MAB21L3: variants seen among roughly 807,000 people sequenced by gnomAD.
MAB21L3 encodes mab-21 like 3.
Under a neutral mutation model 37.7 loss-of-function variants are expected in MAB21L3, and 36 were observed. The ratio of observed to expected loss-of-function variants is 0.96; its 90% confidence interval spans 0.73 to 1.26. The LOEUF (loss-of-function observed/expected upper bound fraction) is 1.26. MAB21L3 is among the 50% of genes most tolerant of loss of function. MAB21L3 has a pLI of 0.00. For missense variants in MAB21L3, 430 were observed against 447.3 expected, an observed-to-expected ratio of 0.96 and a Z score of 0.35; for synonymous variants, 186 against 176.8, an observed-to-expected ratio of 1.05 and a Z score of -0.41.
chr1:116,115,414 C>A (rs61788521), intron 3 of MAB21L3, among the ~76,000 whole-genome samples: 37,078 of 150,590 alleles, frequency 0.25, 5,628 homozygotes, highest in East Asian at 0.4. Flanking sequence ...ACATTATTAG[C>A]CCCTGAAAGA....
chr1:116,113,555 C>T (rs769664601), intron 3 of MAB21L3, among the ~76,000 whole-genome samples: 7 of 152,106 alleles, frequency 4.6e-5, no homozygotes, highest in Non-Finnish European at 1.0e-4. Context: ...GTTCAAGTAA[C>T]TTCAACTGCT....
rs1660155292 is a variant in MAB21L3, at chr1:116,134,217, C to T, written c.*852C>T. ...TATGTAAATAACCTAGTACTATGAT[C>T]TGCATGGAGTGACCTTAGGTGTCTG... On this transcript the variant is annotated 3_prime_UTR_variant, in exon 8 of 8. Transcript: ENST00000369500. 6.6e-6 allele frequency: 1 copy of T among 152,266 alleles called. No homozygotes were observed. The highest frequency in any genetic ancestry group is 2.4e-5 in the African/African-American group (1 of 41,456). 9.4% of individuals were successfully genotyped at this position (152,266 alleles called of 1,614,324 possible). A position where few individuals can be genotyped will look rare whatever the true frequency, so the allele number is the denominator to read the frequency against.
intron 7 of MAB21L3, among the ~76,000 whole-genome samples, chr1:116,131,484 A>G (rs1660063470): frequency 6.6e-6 from 1 of 152,206 alleles, no homozygotes; most frequent in Non-Finnish European, 1.5e-5. Flanking sequence ...CTAACAAACA[A>G]TGGGAAGACC....
intron 3 of MAB21L3, among the ~76,000 whole-genome samples, chr1:116,115,467 T>C (rs1659563247): frequency 6.6e-6 from 1 of 152,246 alleles, no homozygotes; most frequent in Non-Finnish European, 1.5e-5. Context: ...TTTTTCTAAC[T>C]GATGATTGGA....
rs559738946 is a variant in MAB21L3, at chr1:116,124,406, T to C, written c.481+49T>C. On this transcript the variant is annotated intron_variant, in intron 5 of 7. Coordinates refer to ENST00000369500, the MANE Select transcript of MAB21L3 (RefSeq NM_152367.3). ...AAGGGTAATTGCTGGCATTCCCCTT[T>C]CACTCTATAAAACCTCTGTTTGGGT... The C allele has an allele frequency of 1.5e-5, 23 of 1,548,080 alleles. No homozygotes were observed. The African/African-American group carries it at 2.2e-4, about 15-fold the overall frequency.
Position 116,133,882 on chromosome 1 carries a change from A to C in MAB21L3, c.*517A>C, listed in dbSNP as rs1660144742. The C allele has an allele frequency of 6.0e-6, 1 of 165,382 alleles. No homozygotes were observed. The highest frequency in any genetic ancestry group is 1.3e-5 in the Non-Finnish European group (1 of 75,826). 10.2% of individuals were successfully genotyped at this position (165,382 alleles called of 1,614,324 possible). A position where few individuals can be genotyped will look rare whatever the true frequency, so the allele number is the denominator to read the frequency against. On this transcript the variant is annotated 3_prime_UTR_variant, in exon 8 of 8. Coordinates refer to ENST00000369500, the MANE Select transcript of MAB21L3 (RefSeq NM_152367.3). Reference sequence around the variant, plus strand: ...TTCAAGGGGAAGGCATTGGATCAACACAAAGTGTTCCTGGTTGGTTGAGTA... The same window carrying C: ...TTCAAGGGGAAGGCATTGGATCAACCCAAAGTGTTCCTGGTTGGTTGAGTA...
intron 6 of MAB21L3, among the ~76,000 whole-genome samples, chr1:116,127,905 G>A (rs1659955283): frequency 6.6e-6 from 1 of 152,192 alleles, no homozygotes; most frequent in African/African-American, 2.4e-5. Flanking sequence ...TCTGGGTGAT[G>A]TGATTCTGAT....
At position 116,118,900 on chromosome 1, in the gene MAB21L3, C is replaced by T. The variant is rs1295162822; in HGVS notation, c.49-2032C>T. ...ATGAAGTATCCGTTTTCTATGTATC[C>T]ATAGCATCTGTGCAAACCTCTACCT... On this transcript the variant is annotated intron_variant, in intron 3 of 7. Transcript: ENST00000369500. Among the ~76,000 whole-genome samples, 3 of 152,198 alleles carry T rather than the reference C, an allele frequency of 2.0e-5. No individual in the cohort carries two copies. The East Asian group carries it at 5.8e-4, about 29-fold the overall frequency.
At chr1:116,115,416 C>A (rs1230539828) in intron 3 of MAB21L3, among the ~76,000 whole-genome samples, 1 of 150,666 alleles carries the variant, frequency 6.6e-6, no homozygotes, top group Non-Finnish European at 1.5e-5. Context: ...ATTATTAGCC[C>A]CTGAAAGACA....
intron 7 of MAB21L3, among the ~76,000 whole-genome samples, chr1:116,129,261 C>G (rs1659998083): frequency 6.6e-6 from 1 of 152,226 alleles, no homozygotes; most frequent in African/African-American, 2.4e-5. Context: ...GAGAGGGGGC[C>G]TTTGACCACC....
intron 3 of MAB21L3, among the ~76,000 whole-genome samples, chr1:116,117,034 A>T (rs1368887279): frequency 6.6e-6 from 1 of 152,056 alleles, no homozygotes; most frequent in East Asian, 1.9e-4. Context: ...CACGTGTGTT[A>T]TGTGCATACA....
At chr1:116,119,187 C>T (rs1406973764) in intron 3 of MAB21L3, among the ~76,000 whole-genome samples, 1 of 152,206 alleles carries the variant, frequency 6.6e-6, no homozygotes, top group Non-Finnish European at 1.5e-5. Context: ...TCTGTGCTTA[C>T]ATTTGTCTTC....
At chr1:116,128,399 G>T in intron 7 of MAB21L3, 60 bp downstream of exon 7, 2 of 1,504,622 alleles carry the variant, frequency 1.3e-6, no homozygotes, top group Non-Finnish European at 1.8e-6. Context: ...CATTCTTCCT[G>T]TGGCCTCTGT....
intron 5 of MAB21L3, among the ~76,000 whole-genome samples, chr1:116,125,570 G>T (rs1659885324): frequency 6.6e-6 from 1 of 152,088 alleles, no homozygotes; most frequent in South Asian, 2.1e-4. Context: ...AAACCAAACT[G>T]CTAAACAATA....
rs1345273037 is a variant in MAB21L3 at position 116,133,973 on chromosome 1, G to C, written c.*608G>C. 2 of 154,342 alleles carry C rather than the reference G, an allele frequency of 1.3e-5. No homozygotes were observed. Among genetic ancestry groups the C allele is most frequent in the Non-Finnish European group, 2.9e-5 (2 of 69,600 alleles). The allele number at this position is 154,342 out of a possible 1,614,324, so 9.6% of individuals were successfully genotyped here. On this transcript the variant is annotated 3_prime_UTR_variant, in exon 8 of 8. Transcript: ENST00000369500. The stretch of plus-strand genomic sequence containing the variant: ...GCAAAATTGCACCTGATGAGTTAGT[G>C]AGCCTGTGCTTCCTTGCTGCCCTCC...
intron 4 of MAB21L3, among the ~76,000 whole-genome samples, chr1:116,123,428 AC>A (rs1204584882): frequency 6.6e-6 from 1 of 152,174 alleles, no homozygotes; most frequent in African/African-American, 2.4e-5. Flanking sequence ...GAGATATTTT[AC>A]AAAATCTGTT....
chr1:116,122,900 A>G, intron 4 of MAB21L3, among the ~76,000 whole-genome samples: 1 of 152,220 alleles, frequency 6.6e-6, no homozygotes, highest in East Asian at 1.9e-4. Context: ...GGGACTTTAG[A>G]TGTTTTTCCT....
chr1:116,134,468 G>A lies in MAB21L3; in HGVS notation c.*1103G>A, dbSNP rs944253675. The A allele has an allele frequency of 1.3e-5, 2 of 152,360 alleles. No individual in the cohort carries two copies. Among genetic ancestry groups the A allele is most frequent in the South Asian group, 4.1e-4 (2 of 4,828 alleles). 9.4% of individuals were successfully genotyped at this position (152,360 alleles called of 1,614,324 possible). A position where few individuals can be genotyped will look rare whatever the true frequency, so the allele number is the denominator to read the frequency against. On this transcript the variant is annotated 3_prime_UTR_variant, in exon 8 of 8. Transcript: ENST00000369500. ...GAAATAAACAGAATGTTGAAGTAGA[G>A]TCCACAGAAAGGTCCCCGAAGGATG...
At position 116,120,182 on chromosome 1, in the gene MAB21L3, CA is replaced by C. The variant is rs551066026; in HGVS notation, c.49-748del. ...ACTTTCCTTTTGCCAGATCCAACCA[CA>C]ATGGCCTCACTGCTAGCCTTAGAGC... On this transcript the variant is annotated intron_variant, in intron 3 of 7. Coordinates refer to ENST00000369500, the MANE Select transcript of MAB21L3 (RefSeq NM_152367.3). Among the ~76,000 whole-genome samples the C allele has an allele frequency of 1.7e-3, 263 of 152,264 alleles. 1 individual carries two copies. Among genetic ancestry groups the C allele is most frequent in the African/African-American group, 6.0e-3 (248 of 41,538 alleles).
Sources: gnomAD v4.1 joint callset for allele counts (sites outside exome capture counted in the v4.1 genomes callset) on GRCh38, gnomAD v4.1.1 for gene constraint, MANE v1.5 for transcripts, NCBI Gene and HGNC (gene_info 2026-07-23, HGNC 2026-07-21) for gene names.